The following KCND2 variants were observed in gnomAD, a reference collection of about 807,000 sequenced individuals.
KCND2 encodes A-type voltage-gated potassium channel KCND2.
In KCND2, 16 loss-of-function variants were observed where a neutral mutation model predicts 54.4. That is an observed-to-expected ratio of 0.29 (90% CI 0.20 to 0.45). The LOEUF is 0.45. Ranked by LOEUF, KCND2 falls within the 20% of genes least tolerant of loss-of-function variation. The pLI, the probability that KCND2 is intolerant of heterozygous loss-of-function variation, is 1.00. For missense variants in KCND2, 486 were observed against 824.2 expected (o/e 0.59, Z 5.02); for synonymous variants, 317 against 310.7 (o/e 1.02, Z -0.21).
chr7:120,475,091 A>G (rs1194731299), intron 1 of KCND2, among the ~76,000 whole-genome samples: 3 of 152,336 alleles, frequency 2.0e-5, no homozygotes, highest in African/African-American at 7.2e-5. Context: ...AAATGTTGCT[A>G]TAAGAAATCC....
At chr7:120,604,549 T>C (rs974771085) in intron 1 of KCND2, among the ~76,000 whole-genome samples, 5 of 148,176 alleles carry the variant, frequency 3.4e-5, no homozygotes, top group African/African-American at 7.4e-5. Flanking sequence ...ATAATAATAA[T>C]AATATTACTA....
intron 1 of KCND2, among the ~76,000 whole-genome samples, chr7:120,406,669 T>C (rs190046230): frequency 3.3e-5 from 5 of 152,092 alleles, no homozygotes; most frequent in African/African-American, 9.6e-5. Flanking sequence ...AGAGGTGAGA[T>C]ACACATTAAT....
intron 1 of KCND2, among the ~76,000 whole-genome samples, chr7:120,375,819 A>G (rs1041059586): frequency 2.6e-5 from 4 of 151,824 alleles, no homozygotes; most frequent in Non-Finnish European, 5.9e-5. Context: ...TCTGCCCCCA[A>G]TTAAGGCCAG....
At chr7:120,322,760 A>G (rs1199038726) in intron 1 of KCND2, among the ~76,000 whole-genome samples, 1 of 152,136 alleles carries the variant, frequency 6.6e-6, no homozygotes. Flanking sequence ...AGCATTTTCT[A>G]TGTCTTGAGT....
chr7:120,552,967 A>G (rs150429257), intron 1 of KCND2, among the ~76,000 whole-genome samples: 1 of 152,236 alleles, frequency 6.6e-6, no homozygotes, highest in African/African-American at 2.4e-5. Flanking sequence ...ATGTTTTGCT[A>G]TACATATACA....
At chr7:120,627,387 A>G (rs181747381) in intron 1 of KCND2, among the ~76,000 whole-genome samples, 136 of 152,318 alleles carry the variant, frequency 8.9e-4, no homozygotes, top group Middle Eastern at 3.4e-3. Flanking sequence ...TATTCCTTTT[A>G]TCAATAGCTA....
At chr7:120,499,433 C>G (rs1802899408) in intron 1 of KCND2, among the ~76,000 whole-genome samples, 1 of 151,982 alleles carries the variant, frequency 6.6e-6, no homozygotes, top group South Asian at 2.1e-4. Flanking sequence ...TCAGTAACAA[C>G]AAGACATTTT....
intron 1 of KCND2, among the ~76,000 whole-genome samples, chr7:120,538,735 A>G (rs767880906): frequency 6.6e-6 from 1 of 152,096 alleles, no homozygotes; most frequent in East Asian, 1.9e-4. Context: ...CCTCGGCCCT[A>G]TAAAGACCAG....
chr7:120,515,595 A>T (rs1285787932), intron 1 of KCND2, among the ~76,000 whole-genome samples: 1 of 152,022 alleles, frequency 6.6e-6, no homozygotes, highest in Non-Finnish European at 1.5e-5. Flanking sequence ...CTTTGGAGGG[A>T]TATGTTCCCC....
chr7:120,411,993 G>A (rs1008540271), intron 1 of KCND2, among the ~76,000 whole-genome samples: 4 of 151,928 alleles, frequency 2.6e-5, no homozygotes, highest in African/African-American at 9.7e-5. Context: ...CAGATGGTCA[G>A]ATAGGTAAGC....
At chr7:120,615,774 G>GA (rs1793016248) in intron 1 of KCND2, among the ~76,000 whole-genome samples, 1 of 152,132 alleles carries the variant, frequency 6.6e-6, no homozygotes, top group Non-Finnish European at 1.5e-5. Context: ...GCTATTGTAT[G>GA]AAAAAATAGG....
chr7:120,594,160 T>G (rs748967582), intron 1 of KCND2, among the ~76,000 whole-genome samples: 6 of 152,308 alleles, frequency 3.9e-5, no homozygotes, highest in Admixed American at 2.0e-4. Context: ...GACTTAGAGA[T>G]CTCATCTCCA....
intron 1 of KCND2, among the ~76,000 whole-genome samples, chr7:120,472,392 A>T (rs1802470407): frequency 1.3e-5 from 2 of 152,050 alleles, no homozygotes; most frequent in Admixed American, 6.6e-5. Context: ...GAATACCTGG[A>T]TTTAGAGCTC....
chr7:120,728,801 A>G (rs1792769488), intron 1 of KCND2, among the ~76,000 whole-genome samples: 1 of 152,140 alleles, frequency 6.6e-6, no homozygotes, highest in South Asian at 2.1e-4. Context: ...AGAAAGAATG[A>G]AATAAATAAT....
intron 1 of KCND2, among the ~76,000 whole-genome samples, chr7:120,372,797 A>G (rs1016557752): frequency 6.6e-6 from 1 of 151,890 alleles, no homozygotes; most frequent in Non-Finnish European, 1.5e-5. Flanking sequence ...CCAAAGAGGA[A>G]CAGGACTGCT....
At chr7:120,617,764 A>T (rs73423717) in intron 1 of KCND2, among the ~76,000 whole-genome samples, 14,753 of 152,212 alleles carry the variant, frequency 0.097, 1,074 homozygotes, top group African/African-American at 0.2. Context: ...TCAACAGTGG[A>T]CTGGATAAAG....
chr7:120,446,441 C>A (rs1368716695), intron 1 of KCND2, among the ~76,000 whole-genome samples: 4 of 152,118 alleles, frequency 2.6e-5, no homozygotes. Context: ...ATGTTAATCT[C>A]TCCATTTGAA....
At chr7:120,639,940 AG>A (rs1793350978) in intron 1 of KCND2, among the ~76,000 whole-genome samples, 1 of 152,162 alleles carries the variant, frequency 6.6e-6, no homozygotes, top group South Asian at 2.1e-4. Context: ...ACTGAAAAAT[AG>A]GAGGAAAGGA....
rs1793108052 is a variant in KCND2, at chr7:120,622,230, A to G, written c.1116-110673A>G. Among the ~76,000 whole-genome samples the G allele has an allele frequency of 2.0e-5, 3 of 152,176 alleles. No homozygotes were observed. In the South Asian group the frequency reaches 6.2e-4, roughly 31 times the overall value. On this transcript the variant is annotated intron_variant, in intron 1 of 5. Coordinates refer to ENST00000331113, the MANE Select transcript of KCND2 (RefSeq NM_012281.3). ...GAGCTGATGTGTCTGAGTTTGTTTT[A>G]AAAGAACTCAACATATGTTAAGCCA...
Sources: allele counts gnomAD v4.1 joint callset (sites outside exome capture counted in the v4.1 genomes callset), GRCh38; gene constraint gnomAD v4.1.1; transcripts MANE v1.5; gene names NCBI Gene and HGNC (gene_info 2026-07-23, HGNC 2026-07-21).